Variants in GOLM1 observed in about 807,000 individuals in gnomAD.
GOLM1 encodes the protein epididymis luminal protein 46.
GOLM1 carries 31 observed loss-of-function variants against 50.5 expected under a neutral mutation model. The ratio of observed to expected loss-of-function variants is 0.61; its 90% CI spans 0.46 to 0.83. GOLM1 has a LOEUF of 0.83. Among genes scored for constraint, GOLM1 ranks in the 40% least tolerant of loss-of-function variants. GOLM1 has a pLI of 0.00. For missense variants in GOLM1, 491 were observed against 501.3 expected (o/e 0.98, Z 0.20); for synonymous variants, 178 against 192.8 (o/e 0.92, Z 0.64).
intron 7 of GOLM1, among the ~76,000 whole-genome samples, chr9:86,035,943 C>T (rs1385784326): frequency 6.7e-6 from 1 of 149,626 alleles, no homozygotes. Context: ...AAAAGGGTAT[C>T]CTGCTGAGTG....
intron 1 of GOLM1, among the ~76,000 whole-genome samples, chr9:86,085,746 C>T (rs541845594): frequency 4.6e-5 from 7 of 152,092 alleles, no homozygotes; most frequent in Non-Finnish European, 8.8e-5. Flanking sequence ...GTTTTCTGTT[C>T]CTGTGTTAGT....
chr9:86,057,252 GA>G (rs1834020781), intron 3 of GOLM1, among the ~76,000 whole-genome samples: 1 of 152,068 alleles, frequency 6.6e-6, no homozygotes, highest in South Asian at 2.1e-4. Context: ...TAGATTCCTA[GA>G]AAAATAAGCT....
At chr9:86,045,506 C>T (rs550673112) in intron 5 of GOLM1, among the ~76,000 whole-genome samples, 6 of 149,500 alleles carry the variant, frequency 4.0e-5, no homozygotes, top group East Asian at 2.0e-4. Flanking sequence ...AACTCCATCT[C>T]GACTAAAAAA....
chr9:86,052,546 C>T lies in GOLM1; in HGVS notation c.355G>A (p.Val119Met). ...AGCGAGCGGAACTTACCTTGCAGCA[C>T]TCGGATGAGCCTCTCACCTGTGGTG... is the stretch of plus-strand genomic sequence containing the variant. Reference protein sequence around the residue: ...NITTGERLIRVLQDQLKTLQR... With the variant: ...NITTGERLIRMLQDQLKTLQR... The change falls in exon 4 of 10, where the codon GTG becomes ATG. Residue 119 changes from valine (V) to methionine (M), a missense_variant. Coordinates refer to ENST00000388712, the MANE Select transcript of GOLM1 (RefSeq NM_016548.4). The T allele has an allele frequency of 6.2e-7, 1 of 1,613,804 alleles. No homozygotes were observed. The highest frequency in any genetic ancestry group is 1.1e-5 in the South Asian group (1 of 91,084).
Position 86,026,326 on chromosome 9 carries a change from C to A in GOLM1, c.*1491G>T, listed in dbSNP as rs1444162594. Reference sequence around the variant, plus strand: ...GTACTCTAAGATTTTATCTAAGTTGCCTTTTCTGGGTGGGAAAGTTTAACC... The same window carrying A: ...GTACTCTAAGATTTTATCTAAGTTGACTTTTCTGGGTGGGAAAGTTTAACC... On this transcript the variant is annotated 3_prime_UTR_variant, in exon 10 of 10. Transcript: ENST00000388712. 3.0e-6 allele frequency: 3 copies of A among 984,588 alleles called. No individual in the cohort carries two copies. In the African/African-American group the frequency reaches 5.2e-5, roughly 17 times the overall value. The allele number at this position is 984,588 out of a possible 1,614,324, so 61.0% of individuals were successfully genotyped here. A position where few individuals can be genotyped will look rare whatever the true frequency, so the allele number is the denominator to read the frequency against.
chr9:86,088,420 G>GTGTGCATATATATA (rs1157260470), intron 1 of GOLM1, among the ~76,000 whole-genome samples: 23 of 86,298 alleles, frequency 2.7e-4, no homozygotes, highest in African/African-American at 1.3e-3. Flanking sequence ...TTTGAAGGGT[G>GTGTGCATATATATA]TATATATATA....
At chr9:86,052,170 G>T (rs978197912) in intron 4 of GOLM1, among the ~76,000 whole-genome samples, 14 of 152,140 alleles carry the variant, frequency 9.2e-5, no homozygotes, top group African/African-American at 3.1e-4. Context: ...GGGCTGGACA[G>T]TTTTTCTAAG....
rs1834542216 is a variant in GOLM1, at chr9:86,074,286, G to A, written c.309+3126C>T. ...ACAATGTATAAAAAAGTATTTAGGT[G>A]AAGGATAAGCCCATCCATGTAGCCA... is the stretch of plus-strand genomic sequence containing the variant. On this transcript the variant is annotated intron_variant, in intron 3 of 9. Coordinates refer to ENST00000388712, the MANE Select transcript of GOLM1 (RefSeq NM_016548.4). Among the ~76,000 whole-genome samples, 5 of 150,734 alleles carry A rather than the reference G, an allele frequency of 3.3e-5. 1 individual carries two copies. In the South Asian group the frequency reaches 1.1e-3, roughly 32 times the overall value.
chr9:86,079,087 A>C (rs1834708459), intron 2 of GOLM1, 105 bp downstream of exon 2: 3 of 1,074,634 alleles, frequency 2.8e-6, no homozygotes, highest in Non-Finnish European at 2.6e-6. Context: ...GCCCTGCACA[A>C]AACGCCCTGG....
At chr9:86,079,397 C>G in intron 1 of GOLM1, 56 bp from the exon 2 acceptor site, 1 of 1,354,350 alleles carries the variant, frequency 7.4e-7, no homozygotes, top group South Asian at 1.4e-5. Context: ...ATCTCCGAAG[C>G]AGACCGTATC....
At chr9:86,031,484 G>A (rs112072708) in intron 9 of GOLM1, among the ~76,000 whole-genome samples, 8 of 117,040 alleles carry the variant, frequency 6.8e-5, no homozygotes, top group Admixed American at 2.1e-4. Flanking sequence ...TCCCCGAGAC[G>A]GAGTTTCACT....
At chr9:86,081,794 C>G (rs1834791719) in intron 1 of GOLM1, among the ~76,000 whole-genome samples, 1 of 150,956 alleles carries the variant, frequency 6.6e-6, no homozygotes, top group African/African-American at 2.4e-5. Context: ...GAGGCTGAGA[C>G]AGGAGAAAAG....
intron 1 of GOLM1, among the ~76,000 whole-genome samples, chr9:86,093,402 C>T (rs190594783): frequency 0.02 from 2,811 of 140,408 alleles, 83 homozygotes; most frequent in African/African-American, 0.071. Context: ...AAAGAAACAA[C>T]AACAAAAAAA....
chr9:86,045,434 A>G (rs2118694650), intron 5 of GOLM1, among the ~76,000 whole-genome samples: 1 of 152,306 alleles, frequency 6.6e-6, no homozygotes, highest in Non-Finnish European at 1.5e-5. Context: ...GCACTTTGGG[A>G]GGCCAAGGCA....
intron 6 of GOLM1, among the ~76,000 whole-genome samples, chr9:86,037,002 G>A (rs1833166881): frequency 6.6e-6 from 1 of 152,092 alleles, no homozygotes; most frequent in Non-Finnish European, 1.5e-5. Flanking sequence ...TAATAGAAAT[G>A]GAATGGATTA....
intron 3 of GOLM1, among the ~76,000 whole-genome samples, chr9:86,071,078 T>TAC (rs58612344): frequency 0.044 from 6,532 of 148,294 alleles, 174 homozygotes; most frequent in African/African-American, 0.067. Context: ...TATATACATG[T>TAC]ACACACACAC....
In GOLM1 at chr9:86,036,434, T is replaced by A. The variant is rs745490356; in HGVS notation, c.671A>T (p.Lys224Met). Residue 224 changes from lysine to methionine, a missense_variant, in exon 7 of 10, where the codon AAG becomes ATG. Coordinates refer to ENST00000388712, the MANE Select transcript of GOLM1 (RefSeq NM_016548.4). ...CTTGCTGTTACCAAGCACGTTTCCC[T>A]TCCCTTGTGGCACCTCTGTGTGTGG... Reference protein sequence around the residue: ...GLPHTEVPQGKGNVLGNSKSQ... With the variant: ...GLPHTEVPQGMGNVLGNSKSQ... The A allele has an allele frequency of 1.7e-5, 27 of 1,614,002 alleles. No individual in the cohort carries two copies. Among genetic ancestry groups the A allele is most frequent in the African/African-American group, 2.7e-5 (2 of 74,918 alleles).
chr9:86,076,008 A>C (rs1473044568), intron 3 of GOLM1, among the ~76,000 whole-genome samples: 1 of 152,230 alleles, frequency 6.6e-6, no homozygotes, highest in Non-Finnish European at 1.5e-5. Context: ...GAAAAGTCTG[A>C]GTCCCTTCCT....
At chr9:86,046,411 C>A in intron 5 of GOLM1, 59 bp downstream of exon 5, 1 of 1,006,784 alleles carries the variant, frequency 9.9e-7, no homozygotes, top group South Asian at 1.3e-5. Context: ...TCAGCTTAAT[C>A]CCCGCCTCCC....
Sources: gnomAD v4.1 joint callset for allele counts (sites outside exome capture counted in the v4.1 genomes callset) on GRCh38, gnomAD v4.1.1 for gene constraint, MANE v1.5 for transcripts, NCBI Gene and HGNC (gene_info 2026-07-23, HGNC 2026-07-21) for gene names.